The following SNIP1 variants were observed in gnomAD, a reference collection of about 807,000 sequenced individuals.
SNIP1 encodes the protein smad nuclear-interacting protein 1.
A neutral mutation model predicts 37.4 loss-of-function variants in SNIP1; 23 were observed. That is an observed-to-expected ratio of 0.61 (90% confidence interval 0.44 to 0.87). The LOEUF is 0.87. Ranked by LOEUF, SNIP1 falls within the 40% of genes least tolerant of loss-of-function variation. The probability of loss-of-function intolerance (pLI) is 0.00; values close to 1 mark genes in which losing one functional copy is unlikely to be tolerated. For missense variants in SNIP1, 459 were observed against 540.4 expected (o/e 0.85, Z 1.49); for synonymous variants, 174 against 200.0 (o/e 0.87, Z 1.10).
chr1:37,539,875 C>T (rs1643149391), intron 3 of SNIP1, among the ~76,000 whole-genome samples: 2 of 152,174 alleles, frequency 1.3e-5, no homozygotes, highest in African/African-American at 2.4e-5. Flanking sequence ...ATCATTTGAG[C>T]CCAGGAGGTT....
chr1:37,550,978 C>T (rs1557628928), intron 2 of SNIP1, among the ~76,000 whole-genome samples: 2 of 149,756 alleles, frequency 1.3e-5, no homozygotes, highest in South Asian at 2.1e-4. Context: ...ATCTGTAATC[C>T]CAGCTACTCA....
In SNIP1 at chr1:37,537,476, A is replaced by T. The variant is rs535133251; in HGVS notation, c.*272T>A. 259 of 405,930 alleles carry T rather than the reference A, an allele frequency of 6.4e-4. No individual in the cohort carries two copies. Among genetic ancestry groups the T allele is most frequent in the Non-Finnish European group, 9.8e-4 (223 of 226,698 alleles). 25.1% of individuals were successfully genotyped at this position (405,930 alleles called of 1,614,324 possible). A position where few individuals can be genotyped will look rare whatever the true frequency, so the allele number is the denominator to read the frequency against. ...CACCAACTAAAACCACAACACTTCT[A>T]CTAAAACACGGTGTGTTGTAATTGG... On this transcript the variant is annotated 3_prime_UTR_variant, in exon 4 of 4. Coordinates refer to ENST00000296215, the MANE Select transcript of SNIP1 (RefSeq NM_024700.4).
chr1:37,537,863 T>C lies in SNIP1; in HGVS notation c.1076A>G (p.Lys359Arg), dbSNP rs1413120174. 6.2e-7 allele frequency: 1 copy of C among 1,614,084 alleles called. No individual in the cohort carries two copies. Among genetic ancestry groups the C allele is most frequent in the East Asian group, 2.2e-5 (1 of 44,894 alleles). ...GTATTCTCTGCTACTGAATCCAAAT[T>C]TGAGTACATCCTTTTCTTTTAGTTC... is the stretch of plus-strand genomic sequence containing the variant. ...YYELKEKDVL[K>R]FGFSSREYVL... The change falls in exon 4 of 4, where the codon AAA becomes AGA. Residue 359 changes from lysine (K) to arginine (R), a missense_variant. Coordinates refer to ENST00000296215, the MANE Select transcript of SNIP1 (RefSeq NM_024700.4).
chr1:37,542,064 G>A lies in SNIP1; in HGVS notation c.328-1309C>T, dbSNP rs565726818. Among the ~76,000 whole-genome samples, 61 of 152,246 alleles carry A rather than the reference G, an allele frequency of 4.0e-4. 1 individual carries two copies. The highest frequency in any genetic ancestry group is 1.5e-3 in the African/African-American group (61 of 41,540). On this transcript the variant is annotated intron_variant, in intron 2 of 3. Coordinates refer to ENST00000296215, the MANE Select transcript of SNIP1 (RefSeq NM_024700.4). ...ACTTTCAACTTTTCGTTTAAAGGAA[G>A]CACTTTACAGCTTCTCTTTAGCATT...
chr1:37,552,278 G>A (rs1643309632), intron 2 of SNIP1, among the ~76,000 whole-genome samples: 1 of 152,202 alleles, frequency 6.6e-6, no homozygotes, highest in African/African-American at 2.4e-5. Context: ...GGTATTCCTT[G>A]CGGTGAAGGA....
rs1402488732 is a variant in SNIP1 at position 37,554,258 on chromosome 1, C to G, written c.-29G>C. On this transcript the variant is annotated 5_prime_UTR_variant, in exon 1 of 4. Transcript: ENST00000296215. ...GTGATTTTGGCTGGGCGAAAGAAAA[C>G]AGATCAGTTGAGCTCCTCTAGCTGG... is the stretch of plus-strand genomic sequence containing the variant. The G allele has an allele frequency of 6.4e-7, 1 of 1,572,828 alleles. No individual in the cohort carries two copies. The highest frequency in any genetic ancestry group is 8.6e-7 in the Non-Finnish European group (1 of 1,156,470).
chr1:37,545,049 C>T (rs1416233502), intron 2 of SNIP1: 4 of 754,204 alleles, frequency 5.3e-6, no homozygotes, highest in East Asian at 2.4e-5. Flanking sequence ...AGGCTGAATG[C>T]GATGGAGCAT....
chr1:37,551,216 G>A (rs2148117563), intron 2 of SNIP1, among the ~76,000 whole-genome samples: 1 of 149,906 alleles, frequency 6.7e-6, no homozygotes, highest in East Asian at 2.0e-4. Flanking sequence ...GTCGCAGTGA[G>A]CCGAGATCGT....
chr1:37,553,886 C>T, intron 1 of SNIP1, 120 bp downstream of exon 1: 2 of 998,440 alleles, frequency 2.0e-6, no homozygotes, highest in Non-Finnish European at 3.0e-6. Context: ...CTCAACAGCC[C>T]CTCAGGATTA....
chr1:37,537,617 G>T lies in SNIP1; in HGVS notation c.*131C>A. ...TAACACAATCTGGTCAGCAACAGAG[G>T]AAAGACTTAAGGCAGTAAGAGGCAT... On this transcript the variant is annotated 3_prime_UTR_variant, in exon 4 of 4. Coordinates refer to ENST00000296215, the MANE Select transcript of SNIP1 (RefSeq NM_024700.4). 1 of 970,128 alleles carries T rather than the reference G, an allele frequency of 1.0e-6. No individual in the cohort carries two copies. The highest frequency in any genetic ancestry group is 1.5e-6 in the Non-Finnish European group (1 of 646,702). 60.1% of individuals were successfully genotyped at this position (970,128 alleles called of 1,614,324 possible).
At chr1:37,544,446 CAAAAAAAAAAA>C (rs11374263) in intron 2 of SNIP1, among the ~76,000 whole-genome samples, 6 of 94,200 alleles carry the variant, frequency 6.4e-5, no homozygotes, top group African/African-American at 2.3e-4. Context: ...GACTCTGTCT[CAAAAAAAAAAA>C]AAAAAAAAGA....
At chr1:37,538,160 C>G in intron 3 of SNIP1, 148 bp from the exon 4 acceptor site, 1 of 989,290 alleles carries the variant, frequency 1.0e-6, no homozygotes, top group South Asian at 1.9e-5. Flanking sequence ...TCAAAGAAAT[C>G]AAGGGGAAAG....
intron 2 of SNIP1, chr1:37,544,839 C>T: frequency 1.3e-6 from 1 of 780,650 alleles, no homozygotes. Context: ...GAGCTCTATG[C>T]CTCCTACATC....
intron 3 of SNIP1, among the ~76,000 whole-genome samples, chr1:37,539,035 T>C (rs942185700): frequency 2.0e-5 from 3 of 152,124 alleles, no homozygotes; most frequent in African/African-American, 7.2e-5. Flanking sequence ...CTTACGAGAA[T>C]CTAATGCCTG....
At chr1:37,553,265 A>C (rs1643324786) in intron 1 of SNIP1, among the ~76,000 whole-genome samples, 1 of 152,150 alleles carries the variant, frequency 6.6e-6, no homozygotes, top group African/African-American at 2.4e-5. Flanking sequence ...CTGGATCTTT[A>C]AGAGGTTGGA....
In SNIP1 at chr1:37,537,821, G is replaced by C; in HGVS notation, c.1118C>G (p.Ser373Trp). 1.2e-6 allele frequency: 2 copies of C among 1,614,124 alleles called. No homozygotes were observed. The highest frequency in any genetic ancestry group is 1.7e-6 in the Non-Finnish European group (2 of 1,180,022). Residue 373 changes from serine to tryptophan, a missense_variant, in exon 4 of 4, where the codon TCG becomes TGG. Physicochemically the swap from Ser to Trp is radical, Grantham distance 177. Transcript: ENST00000296215. The stretch of plus-strand genomic sequence containing the variant: ...CCTGTCTATTTCAGAAGTGTCCGAC[G>C]ACTCATGGAGCAAGACGTATTCTCT... ...SSREYVLLHE[S>W]SDTSEIDRKD...
In SNIP1 at chr1:37,535,230, T is replaced by TTATATATATATATATATATATATA. The variant is rs550915294; in HGVS notation, c.*2517_*2518insTATATATATATATATATATATATA. 0.027 allele frequency: 472 copies of TTATATATATATATATATATATATA among 17,266 alleles called. 50 individuals are homozygous for TTATATATATATATATATATATATA. The highest frequency in any genetic ancestry group is 0.06 in the East Asian group (6 of 100). The allele number at this position is 17,266 out of a possible 1,614,324, so 1.1% of individuals were successfully genotyped here. A position where few individuals can be genotyped will look rare whatever the true frequency, so the allele number is the denominator to read the frequency against. ...ACTAAAAAAAAATAAAAAATAAAAA[T>TTATATATATATATATATATATATA]TATATATATAAATTAGCCAGGCTTG... On this transcript the variant is annotated 3_prime_UTR_variant, in exon 4 of 4. Transcript: ENST00000296215.
At chr1:37,546,121 A>C (rs1304215473) in intron 2 of SNIP1, among the ~76,000 whole-genome samples, 1 of 145,626 alleles carries the variant, frequency 6.9e-6, no homozygotes, top group Non-Finnish European at 1.5e-5. Context: ...GCAATACCCT[A>C]AAAGTGGAAG....
Position 37,537,509 on chromosome 1 carries a change from G to A in SNIP1, c.*239C>T. Reference sequence around the variant, plus strand: ...ACGGTGTGTTGTAATTGGTGAGACTGTTCTGAAAACAAATGCCTGCAGGCA... The same window carrying A: ...ACGGTGTGTTGTAATTGGTGAGACTATTCTGAAAACAAATGCCTGCAGGCA... On this transcript the variant is annotated 3_prime_UTR_variant, in exon 4 of 4. Coordinates refer to ENST00000296215, the MANE Select transcript of SNIP1 (RefSeq NM_024700.4). 1 of 500,220 alleles carries A rather than the reference G, an allele frequency of 2.0e-6. No individual in the cohort carries two copies. The highest frequency in any genetic ancestry group is 3.1e-5 in the South Asian group (1 of 31,790). The allele number at this position is 500,220 out of a possible 1,614,324, so 31.0% of individuals were successfully genotyped here.
Sources: allele counts gnomAD v4.1 joint callset (sites outside exome capture counted in the v4.1 genomes callset), GRCh38; gene constraint gnomAD v4.1.1; transcripts MANE v1.5; gene names NCBI Gene and HGNC (gene_info 2026-07-23, HGNC 2026-07-21).